The following CNTNAP2 variants were observed in gnomAD, a reference collection of about 807,000 sequenced individuals.
CNTNAP2 encodes contactin-associated protein-like 2.
CNTNAP2 carries 98 observed loss-of-function variants against 155.2 expected under a neutral mutation model. The ratio of observed to expected loss-of-function variants is 0.63; its 90% CI spans 0.54 to 0.75. CNTNAP2 has a LOEUF of 0.75. Ranked by LOEUF, CNTNAP2 falls within the 30% of genes least tolerant of loss-of-function variation. CNTNAP2 has a pLI of 0.00. For synonymous variants in CNTNAP2, 651 were observed against 631.2 expected (o/e 1.03, Z -0.47); for missense variants, 1,727 against 1,688.1 (o/e 1.02, Z -0.40).
intron 14 of CNTNAP2, among the ~76,000 whole-genome samples, chr7:147,975,167 A>G: frequency 6.6e-6 from 1 of 151,852 alleles, no homozygotes. Context: ...TGTATCATCT[A>G]AATAAATATT....
chr7:147,970,964 T>G (rs1418792204), intron 14 of CNTNAP2, among the ~76,000 whole-genome samples: 2 of 152,172 alleles, frequency 1.3e-5, no homozygotes, highest in Non-Finnish European at 2.9e-5. Flanking sequence ...AATGTCTATA[T>G]AGAGGTCAAA....
In CNTNAP2 at chr7:147,351,696, A is replaced by G. The variant is rs1291202469; in HGVS notation, c.1499-43913A>G. ...TTGCCCCCTCCTTTAAAAATCAGTT[A>G]ATCAATAATTTGTATTGATGCACTA... On this transcript the variant is annotated intron_variant, in intron 9 of 23. Coordinates refer to ENST00000361727, the MANE Select transcript of CNTNAP2 (RefSeq NM_014141.6). Among the ~76,000 whole-genome samples, 3 of 151,774 alleles carry G rather than the reference A, an allele frequency of 2.0e-5. No individual in the cohort carries two copies. In the East Asian group the frequency reaches 5.8e-4, roughly 29 times the overall value.
At chr7:148,369,934 T>G (rs1798856958) in intron 21 of CNTNAP2, among the ~76,000 whole-genome samples, 1 of 152,140 alleles carries the variant, frequency 6.6e-6, no homozygotes, top group Admixed American at 6.5e-5. Context: ...GTCCCTCAGT[T>G]TCGTAGCCTC....
chr7:147,717,125 A>AT (rs1426471664), intron 13 of CNTNAP2, among the ~76,000 whole-genome samples: 1 of 152,130 alleles, frequency 6.6e-6, no homozygotes, highest in Non-Finnish European at 1.5e-5. Context: ...AGAAAAAAAA[A>AT]GGAGAGTCAA....
intron 21 of CNTNAP2, among the ~76,000 whole-genome samples, chr7:148,268,653 T>TTAATAA (rs3057302): frequency 1.3e-5 from 2 of 149,244 alleles, no homozygotes; most frequent in Non-Finnish European, 3.0e-5. Flanking sequence ...AGACTCTGTC[T>TTAATAA]TAATAATAAT....
intron 9 of CNTNAP2, among the ~76,000 whole-genome samples, chr7:147,337,243 A>G (rs775439781): frequency 2.0e-5 from 3 of 152,246 alleles, no homozygotes; most frequent in Middle Eastern, 3.4e-3. Flanking sequence ...AAGGCACAGG[A>G]AAACTGCCAA....
chr7:147,699,135 A>T (rs1307101834), intron 13 of CNTNAP2, among the ~76,000 whole-genome samples: 2 of 151,954 alleles, frequency 1.3e-5, no homozygotes, highest in African/African-American at 2.4e-5. Flanking sequence ...GATTATAACG[A>T]TTTAAAAAAA....
chr7:147,731,885 C>T (rs993485792), intron 13 of CNTNAP2, among the ~76,000 whole-genome samples: 4 of 152,018 alleles, frequency 2.6e-5, no homozygotes, highest in African/African-American at 4.8e-5. Context: ...GTTCAAGACT[C>T]CAGTGGTGGA....
intron 15 of CNTNAP2, among the ~76,000 whole-genome samples, chr7:147,985,090 G>C (rs928097796): frequency 6.6e-6 from 1 of 150,930 alleles, no homozygotes; most frequent in African/African-American, 2.4e-5. Flanking sequence ...ACTCCAGCCT[G>C]GGTGACAGAG....
intron 3 of CNTNAP2, among the ~76,000 whole-genome samples, chr7:146,851,590 C>T (rs1229589277): frequency 6.6e-6 from 1 of 151,768 alleles, no homozygotes; most frequent in Non-Finnish European, 1.5e-5. Flanking sequence ...TGCTCCAGGA[C>T]TCTCTCCTTG....
At position 146,649,914 on chromosome 7, in the gene CNTNAP2, A is replaced by C. The variant is rs558036111; in HGVS notation, c.98-124357A>C. On this transcript the variant is annotated intron_variant, in intron 1 of 23. Coordinates refer to ENST00000361727, the MANE Select transcript of CNTNAP2 (RefSeq NM_014141.6). ...GCGGCCAATAAACATATGAAAAAAA[A>C]GTCACCATCAGTGGTCATTAGAGAA... Among the ~76,000 whole-genome samples, 6 of 152,302 alleles carry C rather than the reference A, an allele frequency of 3.9e-5. No homozygotes were observed. In the South Asian group the frequency reaches 1.2e-3, roughly 32 times the overall value.
chr7:147,907,230 G>A (rs1034011352), intron 14 of CNTNAP2, among the ~76,000 whole-genome samples: 2 of 151,870 alleles, frequency 1.3e-5, no homozygotes, highest in African/African-American at 4.8e-5. Flanking sequence ...CTTATTTTTT[G>A]TATTTTTAGT....
chr7:147,994,422 C>T lies in CNTNAP2; in HGVS notation c.2383+16433C>T, dbSNP rs186931847. ...TTGCAATCCTGAACCTACTTTAACC[C>T]AAGGTAATATGGTTTGGCTCTGTGT... On this transcript the variant is annotated intron_variant, in intron 15 of 23. Coordinates refer to ENST00000361727, the MANE Select transcript of CNTNAP2 (RefSeq NM_014141.6). Among the ~76,000 whole-genome samples the T allele has an allele frequency of 1.4e-3, 215 of 151,750 alleles. 3 individuals are homozygous for T. The highest frequency in any genetic ancestry group is 0.012 in the Admixed American group (185 of 15,256).
intron 13 of CNTNAP2, among the ~76,000 whole-genome samples, chr7:147,859,190 C>T (rs1041813501): frequency 1.3e-5 from 2 of 151,998 alleles, no homozygotes; most frequent in African/African-American, 4.8e-5. Flanking sequence ...AGCTTCGTAA[C>T]AATTAGCCAT....
At chr7:147,701,990 A>AG (rs1161051271) in intron 13 of CNTNAP2, among the ~76,000 whole-genome samples, 2 of 150,354 alleles carry the variant, frequency 1.3e-5, no homozygotes, top group Non-Finnish European at 3.0e-5. Flanking sequence ...TCCTTAACTG[A>AG]GGGAAAAAGG....
chr7:146,222,881 G>A lies in CNTNAP2; in HGVS notation c.97+105908G>A, dbSNP rs955041865. On this transcript the variant is annotated intron_variant, in intron 1 of 23. Transcript: ENST00000361727. Reference sequence around the variant, plus strand: ...TTACCATGTTAGCCAGGATGGTCTCGATCTCCTGACCTCATGATCCGCCCG... The same window carrying A: ...TTACCATGTTAGCCAGGATGGTCTCAATCTCCTGACCTCATGATCCGCCCG... Among the ~76,000 whole-genome samples, 4 of 151,634 alleles carry A rather than the reference G, an allele frequency of 2.6e-5. 1 individual carries two copies. Among genetic ancestry groups the A allele is most frequent in the Non-Finnish European group, 5.9e-5 (4 of 67,932 alleles).
chr7:147,352,335 T>A (rs1795981466), intron 9 of CNTNAP2, among the ~76,000 whole-genome samples: 1 of 151,984 alleles, frequency 6.6e-6, no homozygotes, highest in Admixed American at 6.6e-5. Context: ...TGGCAGAGGA[T>A]CTTGCTTCCC....
chr7:148,172,766 G>T (rs1488715963), intron 18 of CNTNAP2, among the ~76,000 whole-genome samples: 1 of 152,160 alleles, frequency 6.6e-6, no homozygotes, highest in Non-Finnish European at 1.5e-5. Flanking sequence ...TCTTAATGGT[G>T]AGTGATAAAA....
chr7:147,509,340 C>T (rs894245333), intron 11 of CNTNAP2, among the ~76,000 whole-genome samples: 28 of 152,092 alleles, frequency 1.8e-4, no homozygotes, highest in Admixed American at 1.6e-3. Context: ...ACTTCTCATA[C>T]CAAAAAACAG....
Sources: allele counts gnomAD v4.1 joint callset (sites outside exome capture counted in the v4.1 genomes callset), GRCh38; gene constraint gnomAD v4.1.1; transcripts MANE v1.5; gene names NCBI Gene and HGNC (gene_info 2026-07-23, HGNC 2026-07-21).